ZNF704: variants seen among roughly 807,000 people sequenced by gnomAD.
ZNF704 encodes glucocorticoid induced gene 1.
Under a neutral mutation model 44.7 loss-of-function variants are expected in ZNF704, and 10 were observed. That is an observed-to-expected ratio of 0.22 (90% confidence interval 0.14 to 0.38). ZNF704 has a LOEUF of 0.38. Ranked by LOEUF, ZNF704 falls within the 10% of genes least tolerant of loss-of-function variation. The pLI, the probability that ZNF704 is intolerant of heterozygous loss-of-function variation, is 1.00. For missense variants in ZNF704, 390 were observed against 545.5 expected (o/e 0.71, Z 2.84); for synonymous variants, 211 against 207.6 (o/e 1.02, Z -0.14).
In ZNF704 at chr8:80,793,469, TAC is replaced by T. The variant is rs576507841; in HGVS notation, c.221+27903_221+27904del. Among the ~76,000 whole-genome samples the T allele has an allele frequency of 7.0e-3, 1,059 of 152,204 alleles. 6 individuals are homozygous for T. The highest frequency in any genetic ancestry group is 0.01 in the Non-Finnish European group (698 of 67,990). The stretch of plus-strand genomic sequence containing the variant: ...GCTCTAGATGTAGATATTCATGAAA[TAC>T]ATTCATAATATATTAATTATTATAT... On this transcript the variant is annotated intron_variant, in intron 2 of 8. Transcript: ENST00000327835.
intron 2 of ZNF704, among the ~76,000 whole-genome samples, chr8:80,771,040 C>G (rs980955656): frequency 4.6e-5 from 7 of 152,136 alleles, no homozygotes; most frequent in South Asian, 4.1e-4. Context: ...ATTTGTGTGT[C>G]TGTTTCTGAA....
At chr8:80,861,132 G>A (rs1809054609) in intron 1 of ZNF704, among the ~76,000 whole-genome samples, 1 of 152,190 alleles carries the variant, frequency 6.6e-6, no homozygotes, top group Admixed American at 6.5e-5. Flanking sequence ...TCTGTTCACT[G>A]CTAGAAACCA....
chr8:80,796,735 C>G (rs1262129713), intron 2 of ZNF704, among the ~76,000 whole-genome samples: 1 of 152,012 alleles, frequency 6.6e-6, no homozygotes, highest in Non-Finnish European at 1.5e-5. Context: ...GTGGCTCATG[C>G]TTGTAATCCC....
At chr8:80,652,074 A>ACAT in intron 7 of ZNF704, among the ~76,000 whole-genome samples, 1 of 152,380 alleles carries the variant, frequency 6.6e-6, no homozygotes, top group East Asian at 1.9e-4. Context: ...ACTACTGGGT[A>ACAT]CATCACGAAA....
chr8:80,883,245 C>CAAA, the ZNF704 span, among the ~76,000 whole-genome samples: 70 of 83,332 alleles, frequency 8.4e-4, no homozygotes, highest in East Asian at 1.7e-3. Context: ...GACACCCTCT[C>CAAA]AAAAAAAAAA....
At chr8:80,709,436 C>G (rs1326979584) in intron 2 of ZNF704, among the ~76,000 whole-genome samples, 3 of 110,620 alleles carry the variant, frequency 2.7e-5, no homozygotes, top group Non-Finnish European at 5.2e-5. Context: ...GTGCGAGACT[C>G]CATCTCAAAA....
chr8:80,722,758 C>T (rs535260096), intron 2 of ZNF704, among the ~76,000 whole-genome samples: 18 of 152,110 alleles, frequency 1.2e-4, no homozygotes, highest in African/African-American at 3.4e-4. Flanking sequence ...TACAAGTGAT[C>T]GGAGAATATA....
At chr8:80,820,516 CCAA>C (rs1808251205) in intron 2 of ZNF704, among the ~76,000 whole-genome samples, 1 of 152,064 alleles carries the variant, frequency 6.6e-6, no homozygotes, top group Non-Finnish European at 1.5e-5. Context: ...CCAGGCATCA[CCAA>C]CTTTTTTCTT....
chr8:80,855,408 G>T (rs1808942630), intron 1 of ZNF704, among the ~76,000 whole-genome samples: 1 of 147,564 alleles, frequency 6.8e-6, no homozygotes, highest in African/African-American at 2.5e-5. Context: ...ACTGGATAAA[G>T]AAAATGTGAT....
Position 80,724,793 on chromosome 8 carries a change from T to C in ZNF704, c.222-31686A>G, listed in dbSNP as rs552802133. 1.6e-3 allele frequency among the ~76,000 whole-genome samples: 247 copies of C among 152,308 alleles called. 2 individuals carry two copies. The highest frequency in any genetic ancestry group is 5.7e-3 in the African/African-American group (235 of 41,566). On this transcript the variant is annotated intron_variant, in intron 2 of 8. Coordinates refer to ENST00000327835, the MANE Select transcript of ZNF704 (RefSeq NM_001033723.3). ...CACTCATTGTCTCTCTGCCGAGTCC[T>C]TCCCCTCAAAACGATAACCCCTTAA...
chr8:80,655,198 C>T (rs1160440805), intron 7 of ZNF704, among the ~76,000 whole-genome samples: 10 of 128,306 alleles, frequency 7.8e-5, no homozygotes, highest in South Asian at 2.8e-4. Flanking sequence ...TTGTGGGGGG[C>T]GGGGGAGGGA....
At chr8:80,669,677 CTG>C in intron 5 of ZNF704, among the ~76,000 whole-genome samples, 1 of 152,232 alleles carries the variant, frequency 6.6e-6, no homozygotes, top group East Asian at 1.9e-4. Flanking sequence ...AAGGACTCCT[CTG>C]TGTCCAAGCA....
rs556920078 is a variant in ZNF704 at position 80,863,585 on chromosome 8, G to A, written c.-22+10986C>T. 2.0e-5 allele frequency among the ~76,000 whole-genome samples: 3 copies of A among 152,142 alleles called. No individual in the cohort carries two copies. The South Asian group carries it at 6.2e-4, about 32-fold the overall frequency. On this transcript the variant is annotated intron_variant, in intron 1 of 8. Transcript: ENST00000327835. Reference sequence around the variant, plus strand: ...CTTATTTTACACATCTATAAAATGGGGATAATAATATCCACCTCTCAAGGT... The same window carrying A: ...CTTATTTTACACATCTATAAAATGGAGATAATAATATCCACCTCTCAAGGT...
At chr8:80,751,409 C>T (rs934899188) in intron 2 of ZNF704, among the ~76,000 whole-genome samples, 10 of 152,158 alleles carry the variant, frequency 6.6e-5, no homozygotes, top group African/African-American at 2.2e-4. Context: ...TGTCTCTTGA[C>T]GGAACAATGT....
chr8:80,856,876 ATTTC>A (rs1363117492), intron 1 of ZNF704, among the ~76,000 whole-genome samples: 1 of 152,124 alleles, frequency 6.6e-6, no homozygotes, highest in Non-Finnish European at 1.5e-5. Flanking sequence ...TAGCTTGTCA[ATTTC>A]TTACTAAAAA....
intron 2 of ZNF704, among the ~76,000 whole-genome samples, chr8:80,764,843 T>C (rs758947861): frequency 1.7e-4 from 26 of 152,250 alleles, no homozygotes; most frequent in Non-Finnish European, 3.4e-4. Flanking sequence ...ATCTCTTACA[T>C]TTTGTTATAA....
intron 2 of ZNF704, among the ~76,000 whole-genome samples, chr8:80,693,622 A>G (rs1023193846): frequency 7.2e-5 from 11 of 152,272 alleles, no homozygotes; most frequent in Admixed American, 3.3e-4. Flanking sequence ...TGAACTGTGA[A>G]GGTCAGGGAG....
Position 80,641,156 on chromosome 8 carries a change from G to T in ZNF704, c.*210C>A, listed in dbSNP as rs1249047850. ...AACTAGTTATAGCTGCTCCAAGCTG[G>T]GTTCTCAGTAAGAGCAACTTTCTTT... On this transcript the variant is annotated 3_prime_UTR_variant, in exon 9 of 9. Coordinates refer to ENST00000327835, the MANE Select transcript of ZNF704 (RefSeq NM_001033723.3). 7 of 392,678 alleles carry T rather than the reference G, an allele frequency of 1.8e-5. No homozygotes were observed. The highest frequency in any genetic ancestry group is 6.1e-5 in the African/African-American group (3 of 49,152). 24.3% of individuals were successfully genotyped at this position (392,678 alleles called of 1,614,324 possible).
intron 4 of ZNF704, among the ~76,000 whole-genome samples, chr8:80,678,730 T>G (rs1585945598): frequency 6.6e-6 from 1 of 152,216 alleles, no homozygotes; most frequent in Non-Finnish European, 1.5e-5. Context: ...TTCTTTGATG[T>G]GAAAAGTTAC....
Sources: gnomAD v4.1 joint callset for allele counts (sites outside exome capture counted in the v4.1 genomes callset) on GRCh38, gnomAD v4.1.1 for gene constraint, MANE v1.5 for transcripts, NCBI Gene and HGNC (gene_info 2026-07-23, HGNC 2026-07-21) for gene names.